NRXN3: variants seen among roughly 807,000 people sequenced by gnomAD.
NRXN3 encodes the protein neurexin 3.
Under a neutral mutation model 137.6 loss-of-function variants are expected in NRXN3, and 32 were observed. That is an observed-to-expected ratio of 0.23 (90% CI 0.18 to 0.31). The LOEUF (loss-of-function observed/expected upper bound fraction) is 0.31, where lower values mean the gene tolerates loss of function less well. Among genes scored for constraint, NRXN3 ranks in the 10% least tolerant of loss-of-function variants. The pLI is 1.00. For synonymous variants in NRXN3, 798 were observed against 784.5 expected (o/e 1.02, Z -0.29); for missense variants, 1,574 against 2,062.5 (o/e 0.76, Z 4.59).
intron 16 of NRXN3, among the ~76,000 whole-genome samples, chr14:79,486,801 TGAA>T (rs1433609016): frequency 1.3e-5 from 2 of 152,164 alleles, no homozygotes; most frequent in African/African-American, 2.4e-5. Flanking sequence ...GAATGAATGA[TGAA>T]GAAGGAGAGG....
chr14:79,151,072 TACTA>T (rs778285541), intron 15 of NRXN3, among the ~76,000 whole-genome samples: 17 of 152,038 alleles, frequency 1.1e-4, no homozygotes, highest in African/African-American at 3.6e-4. Flanking sequence ...TAGGTCTTGA[TACTA>T]ACTAACAGAA....
At chr14:79,853,355 T>TAA (rs1490612163) in intron 20 of NRXN3, among the ~76,000 whole-genome samples, 1 of 152,240 alleles carries the variant, frequency 6.6e-6, no homozygotes, top group East Asian at 1.9e-4. Context: ...GGAAAAAGTT[T>TAA]AACTGTTTTT....
intron 11 of NRXN3, among the ~76,000 whole-genome samples, chr14:78,957,792 C>T (rs760733251): frequency 6.6e-6 from 1 of 152,168 alleles, no homozygotes; most frequent in Non-Finnish European, 1.5e-5. Flanking sequence ...AAAGTAAGTA[C>T]TAAAACAGTG....
rs762191410 is a variant in NRXN3, at chr14:79,663,846, C to T, written c.3513C>T (p.Thr1171=). 6.2e-7 allele frequency: 1 copy of T among 1,613,332 alleles called. No individual in the cohort carries two copies. Among genetic ancestry groups the T allele is most frequent in the African/African-American group, 1.3e-5 (1 of 74,868 alleles). The change falls in exon 17 of 21, where the codon ACC becomes ACT. Residue 1171 remains threonine, a synonymous_variant. Transcript: ENST00000335750. The part of the protein sequence containing the change: ...TVDISIKEER[T]PVNDGKYHVV... ...ACATCTCCATCAAAGAGGAGAGAAC[C>T]CCTGTAAATGACGGCAAATACCATG...
chr14:78,524,610 G>T lies in NRXN3; in HGVS notation c.758-120510G>T, dbSNP rs142272465. ...CAGGCGATTTTTCTGCCAGTCTATA[G>T]AATGGCCTTTGGGGATCTCTTTATC... On this transcript the variant is annotated intron_variant, in intron 4 of 20. Coordinates refer to ENST00000335750, the MANE Select transcript of NRXN3 (RefSeq NM_001330195.2). 8.9e-3 allele frequency among the ~76,000 whole-genome samples: 1,354 copies of T among 152,238 alleles called. 23 individuals are homozygous for T. Among genetic ancestry groups the T allele is most frequent in the African/African-American group, 0.031 (1,296 of 41,540 alleles).
At chr14:78,834,462 A>C (rs946262948) in intron 10 of NRXN3, among the ~76,000 whole-genome samples, 22 of 152,152 alleles carry the variant, frequency 1.4e-4, no homozygotes, top group African/African-American at 5.1e-4. Context: ...AGGCAAACCG[A>C]CTTAAAAAGC....
intron 15 of NRXN3, among the ~76,000 whole-genome samples, chr14:79,262,076 C>T (rs531801246): frequency 1.3e-5 from 2 of 152,152 alleles, no homozygotes; most frequent in East Asian, 3.9e-4. Context: ...AATGTGGAGG[C>T]TTGGAATGCT....
intron 8 of NRXN3, among the ~76,000 whole-genome samples, chr14:78,803,273 G>A (rs890376232): frequency 2.6e-5 from 4 of 152,084 alleles, no homozygotes; most frequent in African/African-American, 9.7e-5. Context: ...TTTATCTATC[G>A]CATACAGAAT....
rs1467627153 is a variant in NRXN3 at position 79,525,943 on chromosome 14, A to G, written c.3444+58541A>G. On this transcript the variant is annotated intron_variant, in intron 16 of 20. Coordinates refer to ENST00000335750, the MANE Select transcript of NRXN3 (RefSeq NM_001330195.2). ...GTTGCTCAGGCTGGAGTGCAGTGGC[A>G]CAATCATAGCTCACTGCAGCTTCTG... is the stretch of plus-strand genomic sequence containing the variant. 2.6e-5 allele frequency among the ~76,000 whole-genome samples: 4 copies of G among 152,196 alleles called. No individual in the cohort carries two copies. In the East Asian group the frequency reaches 5.8e-4, roughly 22 times the overall value.
intron 11 of NRXN3, among the ~76,000 whole-genome samples, chr14:78,963,610 A>G (rs1597966194): frequency 6.6e-6 from 1 of 152,176 alleles, no homozygotes; most frequent in Non-Finnish European, 1.5e-5. Context: ...AACACTAAGC[A>G]ATTTTATTTC....
At chr14:79,230,568 C>A (rs1372378056) in intron 15 of NRXN3, among the ~76,000 whole-genome samples, 8 of 152,150 alleles carry the variant, frequency 5.3e-5, no homozygotes, top group Non-Finnish European at 1.2e-4. Flanking sequence ...AATTTAAATT[C>A]TCCATGGAAG....
At chr14:78,420,389 GATT>G (rs930827942) in intron 4 of NRXN3, among the ~76,000 whole-genome samples, 2 of 152,124 alleles carry the variant, frequency 1.3e-5, no homozygotes, top group Admixed American at 6.6e-5. Context: ...TGTGAAATAT[GATT>G]ATTAGTAATA....
chr14:78,603,263 T>G (rs901466085), intron 4 of NRXN3, among the ~76,000 whole-genome samples: 2 of 152,198 alleles, frequency 1.3e-5, no homozygotes, highest in East Asian at 3.9e-4. Context: ...CCTGCCTGCC[T>G]ACTTTACAAG....
chr14:78,677,565 G>A (rs1484701822), intron 6 of NRXN3, among the ~76,000 whole-genome samples: 1 of 152,036 alleles, frequency 6.6e-6, no homozygotes, highest in Non-Finnish European at 1.5e-5. Context: ...ATCCACTCTT[G>A]GTAAAGATGC....
At chr14:79,546,043 T>C (rs2097316292) in intron 16 of NRXN3, among the ~76,000 whole-genome samples, 1 of 152,150 alleles carries the variant, frequency 6.6e-6, no homozygotes, top group Non-Finnish European at 1.5e-5. Context: ...GCACAAGCTC[T>C]CTTTGCCTGC....
intron 10 of NRXN3, among the ~76,000 whole-genome samples, chr14:78,876,831 T>C (rs966236658): frequency 1.3e-5 from 2 of 152,220 alleles, no homozygotes; most frequent in African/African-American, 4.8e-5. Context: ...TTTTACATAG[T>C]GCATTCCACA....
At chr14:79,310,069 T>G (rs2153229463) in intron 15 of NRXN3, among the ~76,000 whole-genome samples, 1 of 128,146 alleles carries the variant, frequency 7.8e-6, no homozygotes, top group East Asian at 2.3e-4. Context: ...GTTTTAGGTC[T>G]AACGTTTAAA....
intron 15 of NRXN3, among the ~76,000 whole-genome samples, chr14:79,194,478 T>A (rs1415237540): frequency 6.6e-6 from 1 of 152,188 alleles, no homozygotes; most frequent in Non-Finnish European, 1.5e-5. Context: ...TTCTAGCACA[T>A]AAGAAGATAG....
chr14:78,516,326 T>G (rs771852483), intron 4 of NRXN3, among the ~76,000 whole-genome samples: 1 of 106,966 alleles, frequency 9.3e-6, no homozygotes, highest in Non-Finnish European at 2.2e-5. Flanking sequence ...TTCTCTCTAA[T>G]AGTTGTTATC....
Sources: allele counts gnomAD v4.1 joint callset (sites outside exome capture counted in the v4.1 genomes callset), GRCh38; gene constraint gnomAD v4.1.1; transcripts MANE v1.5; gene names NCBI Gene and HGNC (gene_info 2026-07-23, HGNC 2026-07-21).